The following ITPRID1 variants were observed in gnomAD, a reference collection of about 807,000 sequenced individuals.
ITPRID1 encodes the protein protein ITPRID1.
In ITPRID1, 96 loss-of-function variants were observed where a neutral mutation model predicts 95.4. The ratio of observed to expected loss-of-function variants is 1.01; its 90% CI spans 0.85 to 1.19. The LOEUF is 1.19. Ranked by LOEUF, ITPRID1 falls within the 50% of genes most tolerant of loss-of-function variation. The pLI, the probability that ITPRID1 is intolerant of heterozygous loss-of-function variation, is 0.00. For missense variants in ITPRID1, 1,339 were observed against 1,252.9 expected, an observed-to-expected ratio of 1.07 and a Z score of -1.04; for synonymous variants, 510 against 453.6, an observed-to-expected ratio of 1.12 and a Z score of -1.58.
intron 10 of ITPRID1, among the ~76,000 whole-genome samples, chr7:31,629,823 G>A (rs1274010468): frequency 6.6e-6 from 1 of 152,138 alleles, no homozygotes; most frequent in Admixed American, 6.6e-5. Flanking sequence ...AGGAAATAGA[G>A]CATCCATATA....
chr7:31,518,547 C>T (rs1783121087), intron 1 of ITPRID1, among the ~76,000 whole-genome samples: 1 of 152,132 alleles, frequency 6.6e-6, no homozygotes, highest in Non-Finnish European at 1.5e-5. Flanking sequence ...TTGAGTTTGA[C>T]CTTGAAGTGC....
intron 10 of ITPRID1, among the ~76,000 whole-genome samples, chr7:31,588,713 G>C (rs1785733955): frequency 6.6e-6 from 1 of 150,606 alleles, no homozygotes; most frequent in Non-Finnish European, 1.5e-5. Context: ...GAAAAGAGAA[G>C]GAGGAAAATC....
At chr7:31,648,999 T>G (rs1342751420) in intron 12 of ITPRID1, among the ~76,000 whole-genome samples, 4 of 152,256 alleles carry the variant, frequency 2.6e-5, no homozygotes, top group Non-Finnish European at 5.9e-5. Context: ...AGAGCCATAA[T>G]CTAGCATTCC....
intron 10 of ITPRID1, among the ~76,000 whole-genome samples, chr7:31,587,868 T>G (rs1785687653): frequency 1.3e-5 from 2 of 151,554 alleles, no homozygotes; most frequent in South Asian, 4.2e-4. Flanking sequence ...TTGACAAACC[T>G]GAGAAAAAGA....
At chr7:31,579,864 T>A (rs1785331067) in intron 9 of ITPRID1, among the ~76,000 whole-genome samples, 1 of 151,870 alleles carries the variant, frequency 6.6e-6, no homozygotes. Flanking sequence ...ATAATAATAA[T>A]AAAAGGAAGA....
Position 31,643,546 on chromosome 7 carries a change from T to TTGG in ITPRID1, c.2177_2179dup (p.Leu726_Gly727insVal). ...GTCGGCTGCTCAGAGGGCTGTGGCC[T>TTGG]TGGGGACTGGTCCCAGAGGAACATC... On this transcript the variant is annotated inframe_insertion, in exon 12 of 15. Transcript: ENST00000615280. 6.2e-7 allele frequency: 1 copy of TTGG among 1,614,056 alleles called. No individual in the cohort carries two copies. The highest frequency in any genetic ancestry group is 8.5e-7 in the Non-Finnish European group (1 of 1,179,902).
At chr7:31,618,267 ACAATACAAC>A (rs1787460148) in intron 10 of ITPRID1, among the ~76,000 whole-genome samples, 2 of 152,178 alleles carry the variant, frequency 1.3e-5, no homozygotes. Flanking sequence ...TTCTCCCTAA[ACAATACAAC>A]CAATACCCCA....
intron 5 of ITPRID1, among the ~76,000 whole-genome samples, chr7:31,557,439 T>C (rs979158773): frequency 2.0e-5 from 3 of 151,956 alleles, no homozygotes; most frequent in Non-Finnish European, 4.4e-5. Context: ...TCCTGTTGGG[T>C]TCTATGATGG....
chr7:31,566,245 C>A (rs148599162), intron 5 of ITPRID1, among the ~76,000 whole-genome samples: 1 of 152,194 alleles, frequency 6.6e-6, no homozygotes, highest in Admixed American at 6.5e-5. Context: ...TGAGCTAACT[C>A]TTCTCATCAA....
rs896575301 is a variant in ITPRID1, at chr7:31,574,811, G to A, written c.598+69G>A. On this transcript the variant is annotated intron_variant, in intron 8 of 14. Coordinates refer to ENST00000615280, the MANE Select transcript of ITPRID1 (RefSeq NM_001257967.3). ...GAGTGGGCAGGTGGGCCACAGTGTA[G>A]GCGAGGAGATTGTGTGAAGTAGCAT... 6.6e-5 allele frequency: 92 copies of A among 1,385,826 alleles called. No individual in the cohort carries two copies. The Admixed American group carries it at 9.3e-4, about 14-fold the overall frequency. 85.8% of individuals were successfully genotyped at this position (1,385,826 alleles called of 1,614,324 possible). A position where few individuals can be genotyped will look rare whatever the true frequency, so the allele number is the denominator to read the frequency against.
At chr7:31,542,507 A>G (rs955682878) in intron 1 of ITPRID1, among the ~76,000 whole-genome samples, 5 of 152,154 alleles carry the variant, frequency 3.3e-5, no homozygotes, top group African/African-American at 1.2e-4. Flanking sequence ...TTCTTTTTAT[A>G]TAAATTCTCT....
intron 10 of ITPRID1, among the ~76,000 whole-genome samples, chr7:31,595,435 A>C (rs1246171038): frequency 6.6e-6 from 1 of 152,110 alleles, no homozygotes; most frequent in East Asian, 1.9e-4. Flanking sequence ...TCAATAATAG[A>C]AGTAAAAGTG....
intron 10 of ITPRID1, among the ~76,000 whole-genome samples, chr7:31,596,773 G>T (rs1272489462): frequency 1.3e-5 from 2 of 151,362 alleles, no homozygotes; most frequent in Non-Finnish European, 3.0e-5. Context: ...ATTTATATTG[G>T]AATATAGAGA....
At chr7:31,647,163 C>A (rs1161701425) in intron 12 of ITPRID1, among the ~76,000 whole-genome samples, 1 of 152,190 alleles carries the variant, frequency 6.6e-6, no homozygotes, top group Non-Finnish European at 1.5e-5. Context: ...ACATTTAAAG[C>A]ACAAAGAGAA....
rs911403984 is a variant in ITPRID1 at position 31,642,194 on chromosome 7, C to A, written c.1247C>A (p.Ala416Glu). 2 of 1,560,926 alleles carry A rather than the reference C, an allele frequency of 1.3e-6. No homozygotes were observed. Among genetic ancestry groups the A allele is most frequent in the South Asian group, 1.2e-5 (1 of 84,480 alleles). The part of the protein sequence containing the change: ...SGTVGARVDR[A>E]NSCQSDSSGF... ...TCTGCAGGTGCCAGGGTGGACAGAG[C>A]AAATAGCTGCCAGTCTGACAGCAGC... Residue 416 changes from alanine to glutamate, a missense_variant, in exon 11 of 15, where the codon GCA becomes GAA. Physicochemically the swap from Ala to Glu is moderately radical, Grantham distance 107 (BLOSUM62 -1). Transcript: ENST00000615280.
intron 1 of ITPRID1, among the ~76,000 whole-genome samples, chr7:31,527,341 C>T (rs936315704): frequency 6.6e-6 from 1 of 152,160 alleles, no homozygotes; most frequent in Non-Finnish European, 1.5e-5. Flanking sequence ...GAGACCTTAG[C>T]CCTAGTATGC....
At position 31,652,177 on chromosome 7, in the gene ITPRID1, T is replaced by C. The variant is rs909738561; in HGVS notation, c.2823+127T>C. ...TACATGCCAACACCTTCATTTTAAG[T>C]ATACAGAGAAGTACTTTGGTTTGCT... On this transcript the variant is annotated intron_variant, in intron 14 of 14. Transcript: ENST00000615280. 1.4e-5 allele frequency: 11 copies of C among 773,154 alleles called. No homozygotes were observed. In the African/African-American group the frequency reaches 1.9e-4, roughly 14 times the overall value. 47.9% of individuals were successfully genotyped at this position (773,154 alleles called of 1,614,324 possible).
Position 31,652,425 on chromosome 7 carries a change from C to G in ITPRID1, c.2824-93C>G, listed in dbSNP as rs150158579. 12 of 1,472,138 alleles carry G rather than the reference C, an allele frequency of 8.2e-6. No homozygotes were observed. In the East Asian group the frequency reaches 3.0e-4, roughly 37 times the overall value. 91.2% of individuals were successfully genotyped at this position (1,472,138 alleles called of 1,614,324 possible). A position where few individuals can be genotyped will look rare whatever the true frequency, so the allele number is the denominator to read the frequency against. ...CAAAGAGCCCATTCTAGAGAATCGA[C>G]CACCTCATAATGCCTAGCTCACAAG... On this transcript the variant is annotated intron_variant, in intron 14 of 14. Transcript: ENST00000615280.
chr7:31,578,418 C>T lies in ITPRID1; in HGVS notation c.1154C>T (p.Ser385Leu). Residue 385 changes from serine (S) to leucine (L), a missense_variant, in exon 9 of 15, where the codon TCA becomes TTA. Ser to Leu is a moderately radical substitution (Grantham distance 145, BLOSUM62 -2). Transcript: ENST00000615280. The part of the protein sequence containing the change: ...LSHLAGKGPD[S>L]FEMEEVQSFE... ...CATCTTGCAGGCAAAGGACCAGACT[C>T]ATTTGAAATGGAAGAGGTCAGTGCT... 2.5e-6 allele frequency: 4 copies of T among 1,605,726 alleles called. No homozygotes were observed. The highest frequency in any genetic ancestry group is 3.4e-6 in the Non-Finnish European group (4 of 1,175,788).
Sources: gnomAD v4.1 joint callset for allele counts (sites outside exome capture counted in the v4.1 genomes callset) on GRCh38, gnomAD v4.1.1 for gene constraint, MANE v1.5 for transcripts, NCBI Gene and HGNC (gene_info 2026-07-23, HGNC 2026-07-21) for gene names.